MEPE: variants seen among roughly 807,000 people sequenced by gnomAD.
MEPE encodes the protein matrix extracellular phosphoglycoprotein.
A neutral mutation model predicts 7.3 loss-of-function variants in MEPE; 7 were observed. The observed-to-expected ratio is 0.95, with a 90% CI of 0.54 to 1.79. The LOEUF is 1.79. Ranked by LOEUF, MEPE falls within the 40% of genes most tolerant of loss-of-function variation. MEPE has a pLI of 0.00. For missense variants in MEPE, 623 were observed against 628.2 expected (o/e 0.99, Z 0.09); for synonymous variants, 214 against 213.1 (o/e 1.00, Z -0.04).
upstream of MEPE, among the ~76,000 whole-genome samples, chr4:87,829,213 A>AT (rs368539610): frequency 3.8e-4 from 57 of 149,738 alleles, no homozygotes; most frequent in Admixed American, 4.0e-4. Context: ...ATAGGCTCTC[A>AT]TTTTTTTTTG....
In MEPE at chr4:87,846,173, C is replaced by T. The variant is rs369273701; in HGVS notation, c.1305C>T (p.Gly435=). 149 of 1,613,782 alleles carry T rather than the reference C, an allele frequency of 9.2e-5. No individual in the cohort carries two copies. The highest frequency in any genetic ancestry group is 1.2e-4 in the Non-Finnish European group (140 of 1,179,944). Residue 435 remains glycine, a synonymous_variant, in exon 4 of 4, where the codon GGC becomes GGT. Transcript: ENST00000361056. Reference sequence around the variant, plus strand: ...TTCCTAGTAAGGGCAAAAGTCAGGGCCTGCCCATTCCTTCTCGTGGTCTTG... The same window carrying T: ...TTCCTAGTAAGGGCAAAAGTCAGGGTCTGCCCATTCCTTCTCGTGGTCTTG... The part of the protein sequence containing the change: ...QRFPSKGKSQ[G]LPIPSRGLDN...
chr4:87,828,023 A>G (rs534440266), upstream of MEPE, among the ~76,000 whole-genome samples: 73 of 152,354 alleles, frequency 4.8e-4, no homozygotes, highest in South Asian at 0.015. Flanking sequence ...ATTGATACTC[A>G]TGAATGAACA....
chr4:87,834,587 G>A, intron 1 of MEPE, 116 bp from the exon 2 acceptor site: 3 of 733,458 alleles, frequency 4.1e-6, no homozygotes, highest in Non-Finnish European at 6.8e-6. Flanking sequence ...TACACAAAAG[G>A]ATATGAACTG....
chr4:87,845,640 G>T lies in MEPE; in HGVS notation c.772G>T (p.Asp258Tyr). 3.1e-6 allele frequency: 5 copies of T among 1,613,908 alleles called. No individual in the cohort carries two copies. Among genetic ancestry groups the T allele is most frequent in the Non-Finnish European group, 4.2e-6 (5 of 1,179,954 alleles). The change falls in exon 4 of 4, where the codon GAC becomes TAC. Residue 258 changes from aspartate to tyrosine, a missense_variant. Transcript: ENST00000361056. Reference sequence around the variant, plus strand: ...CAATGATATATCTCCTTTCAGTGGGGACGGCCAACCTTTTAAGGACATTCC... The same window carrying T: ...CAATGATATATCTCCTTTCAGTGGGTACGGCCAACCTTTTAAGGACATTCC... ...GDNDISPFSG[D>Y]GQPFKDIPGK...
At chr4:87,829,882 T>TTG (rs1553915046), upstream of MEPE, among the ~76,000 whole-genome samples, 9 of 142,796 alleles carry the variant, frequency 6.3e-5, 1 homozygote, top group African/African-American at 7.8e-5. Flanking sequence ...TTTTTTTTTT[T>TTG]GGACTTTGCT....
At chr4:87,838,715 C>A in intron 3 of MEPE, 30 bp downstream of exon 3, 1 of 1,593,074 alleles carries the variant, frequency 6.3e-7, no homozygotes, top group Non-Finnish European at 8.6e-7. Flanking sequence ...TCAAATAACT[C>A]TATTTCAGCT....
chr4:87,826,663 G>T (rs1020417007), intron 1 of MEPE, among the ~76,000 whole-genome samples: 4 of 151,712 alleles, frequency 2.6e-5, no homozygotes, highest in Admixed American at 6.6e-5. Context: ...TTGTTTTTTT[G>T]ACTTTTTAAT....
upstream of MEPE, among the ~76,000 whole-genome samples, chr4:87,828,354 A>G (rs6825592): frequency 0.8 from 121,710 of 152,198 alleles, 48,998 homozygotes; most frequent in African/African-American, 0.89. Flanking sequence ...GTAAAACAGA[A>G]ACTTATTTTA....
At chr4:87,828,936 A>G (rs944597972), upstream of MEPE, among the ~76,000 whole-genome samples, 1 of 152,126 alleles carries the variant, frequency 6.6e-6, no homozygotes, top group African/African-American at 2.4e-5. Flanking sequence ...TTCCAGTTAA[A>G]TAGAGATGGT....
intron 1 of MEPE, among the ~76,000 whole-genome samples, chr4:87,822,957 T>C (rs565955122): frequency 6.6e-6 from 1 of 152,178 alleles, no homozygotes; most frequent in East Asian, 1.9e-4. Context: ...AAAGACATGG[T>C]TGGTATGGAG....
chr4:87,842,794 C>A (rs1037999600), intron 3 of MEPE, among the ~76,000 whole-genome samples: 3 of 152,116 alleles, frequency 2.0e-5, no homozygotes, highest in Non-Finnish European at 4.4e-5. Flanking sequence ...AATATTACAA[C>A]TATGTATAAG....
At chr4:87,832,685 G>C (rs544559276), upstream of MEPE, among the ~76,000 whole-genome samples, 7 of 152,250 alleles carry the variant, frequency 4.6e-5, no homozygotes, top group East Asian at 9.6e-4. Flanking sequence ...AAACTTGTTA[G>C]GTATTCAGTC....
In MEPE at chr4:87,846,513, G is replaced by C. The variant is rs1723277705; in HGVS notation, c.*67G>C. The C allele has an allele frequency of 4.0e-6, 6 of 1,512,852 alleles. No homozygotes were observed. In the Admixed American group the frequency reaches 1.0e-4, roughly 26 times the overall value. The allele number at this position is 1,512,852 out of a possible 1,614,324, so 93.7% of individuals were successfully genotyped here. ...GTCACCTGTGAGTTGATGTAGAGGA[G>C]AGCCACCTGACAGCTGACCAGGTGA... On this transcript the variant is annotated 3_prime_UTR_variant, in exon 4 of 4. Transcript: ENST00000361056.
upstream of MEPE, among the ~76,000 whole-genome samples, chr4:87,829,930 G>A (rs1364604000): frequency 7.3e-6 from 1 of 137,702 alleles, no homozygotes; most frequent in African/African-American, 2.8e-5. Flanking sequence ...CTTATTTTCA[G>A]TTGGAGAAAC....
chr4:87,837,348 T>A (rs925002307), intron 2 of MEPE, among the ~76,000 whole-genome samples: 4 of 151,338 alleles, frequency 2.6e-5, no homozygotes, highest in African/African-American at 4.9e-5. Context: ...TTCTCTCTCC[T>A]TCCCCCCCTC....
In MEPE at chr4:87,845,654, T is replaced by C; in HGVS notation, c.786T>C (p.Phe262=). 3 of 1,613,828 alleles carry C rather than the reference T, an allele frequency of 1.9e-6. No individual in the cohort carries two copies. The highest frequency in any genetic ancestry group is 2.5e-6 in the Non-Finnish European group (3 of 1,179,922). The change falls in exon 4 of 4, where the codon TTT becomes TTC. Residue 262 remains phenylalanine, a synonymous_variant. Transcript: ENST00000361056. ...CTTTCAGTGGGGACGGCCAACCTTT[T>C]AAGGACATTCCTGGTAAAGGAGAAG... ...ISPFSGDGQP[F]KDIPGKGEAT... is the part of the protein sequence containing the mutation.
At position 87,834,750 on chromosome 4, in the gene MEPE, T is replaced by C; in HGVS notation, c.36T>C (p.Ser12=). ...TCTGTGTGGGACTACTCCTTTTCAG[T>C]GTGACCTGGGCAGCACCAGTAAGTA... The part of the protein sequence containing the change: ...RVFCVGLLLF[S]VTWAAPTFQP... The change falls in exon 2 of 4, where the codon AGT becomes AGC. Residue 12 remains serine (S), a synonymous_variant. Coordinates refer to ENST00000361056, the MANE Select transcript of MEPE (RefSeq NM_020203.6). 1 of 1,613,340 alleles carries C rather than the reference T, an allele frequency of 6.2e-7. No individual in the cohort carries two copies.
chr4:87,833,870 T>C (rs1238725517), intron 1 of MEPE, among the ~76,000 whole-genome samples: 2 of 152,210 alleles, frequency 1.3e-5, no homozygotes, highest in Non-Finnish European at 2.9e-5. Context: ...GATTTTTCTG[T>C]AATAAGATAA....
At chr4:87,844,164 C>A (rs148645317) in intron 3 of MEPE, among the ~76,000 whole-genome samples, 1 of 152,268 alleles carries the variant, frequency 6.6e-6, no homozygotes, top group East Asian at 1.9e-4. Context: ...CTGGAAACCT[C>A]CAGACCAGAT....
Sources: allele counts gnomAD v4.1 joint callset (sites outside exome capture counted in the v4.1 genomes callset), GRCh38; gene constraint gnomAD v4.1.1; transcripts MANE v1.5; gene names NCBI Gene and HGNC (gene_info 2026-07-23, HGNC 2026-07-21).